The following ASAP1 variants were observed in gnomAD, a reference collection of about 807,000 sequenced individuals.
ASAP1 encodes the protein arf-GAP with SH3 domain, ANK repeat and PH domain-containing protein 1.
In ASAP1, 43 loss-of-function variants were observed where a neutral mutation model predicts 145.2. That is an observed-to-expected ratio of 0.30 (90% CI 0.23 to 0.38). ASAP1 has a LOEUF of 0.38. Among genes scored for constraint, ASAP1 ranks in the 10% least tolerant of loss-of-function variants. The pLI, the probability that ASAP1 is intolerant of heterozygous loss-of-function variation, is 1.00. For missense variants in ASAP1, 1,018 were observed against 1,355.3 expected (o/e 0.75, Z 3.91); for synonymous variants, 546 against 515.5 (o/e 1.06, Z -0.80).
chr8:130,133,315 G>C (rs1368923961), intron 15 of ASAP1, among the ~76,000 whole-genome samples: 4 of 152,176 alleles, frequency 2.6e-5, no homozygotes, highest in Non-Finnish European at 5.9e-5. Flanking sequence ...TTTAAAAAAG[G>C]GACTAGGGAC....
At chr8:130,311,809 T>C (rs564018205) in intron 3 of ASAP1, among the ~76,000 whole-genome samples, 1 of 147,314 alleles carries the variant, frequency 6.8e-6, no homozygotes, top group Non-Finnish European at 1.5e-5. Context: ...CTTATAATTA[T>C]AGAAAGCAAA....
At chr8:130,179,604 AATT>A (rs1214961563) in intron 8 of ASAP1, among the ~76,000 whole-genome samples, 1 of 152,172 alleles carries the variant, frequency 6.6e-6, no homozygotes, top group Non-Finnish European at 1.5e-5. Flanking sequence ...AACATTCTAG[AATT>A]ATTATTTCCC....
chr8:130,420,769 C>T (rs1829688314), intron 1 of ASAP1, among the ~76,000 whole-genome samples: 1 of 151,892 alleles, frequency 6.6e-6, no homozygotes. Context: ...TGGTGCACAC[C>T]TGTAATCCCA....
chr8:130,189,839 G>A (rs1196080128), intron 5 of ASAP1, among the ~76,000 whole-genome samples: 1 of 152,082 alleles, frequency 6.6e-6, no homozygotes, highest in East Asian at 1.9e-4. Flanking sequence ...TTTTATAAAA[G>A]CCATTTTAGC....
chr8:130,064,071 A>G (rs2097425011), intron 27 of ASAP1, among the ~76,000 whole-genome samples: 2 of 152,182 alleles, frequency 1.3e-5, no homozygotes, highest in South Asian at 4.1e-4. Flanking sequence ...GACACCAGCC[A>G]TGCTGATATC....
intron 15 of ASAP1, among the ~76,000 whole-genome samples, chr8:130,131,551 C>CTCAGGAG (rs1239937243): frequency 1.5e-3 from 203 of 137,134 alleles, no homozygotes; most frequent in African/African-American, 5.5e-3. Flanking sequence ...ATGGCTTGAG[C>CTCAGGAG]TCAGGAGTTT....
At chr8:130,152,012 T>C (rs2097647503) in intron 13 of ASAP1, among the ~76,000 whole-genome samples, 1 of 152,244 alleles carries the variant, frequency 6.6e-6, no homozygotes, top group African/African-American at 2.4e-5. Context: ...TTTATGAAGG[T>C]AAGTGGTACT....
At chr8:130,329,872 T>C (rs1824569303) in intron 3 of ASAP1, among the ~76,000 whole-genome samples, 2 of 152,164 alleles carry the variant, frequency 1.3e-5, no homozygotes, top group Non-Finnish European at 2.9e-5. Context: ...GTTTATCAAT[T>C]AACTGGAGCA....
intron 5 of ASAP1, among the ~76,000 whole-genome samples, chr8:130,207,570 A>C (rs1816307508): frequency 2.0e-5 from 3 of 152,286 alleles, no homozygotes; most frequent in African/African-American, 7.2e-5. Context: ...GGGATTACTA[A>C]ACCCTTTTTA....
At chr8:130,378,950 T>C (rs570749274) in intron 2 of ASAP1, among the ~76,000 whole-genome samples, 1 of 152,258 alleles carries the variant, frequency 6.6e-6, no homozygotes, top group African/African-American at 2.4e-5. Flanking sequence ...TCATAAAAAA[T>C]AGATTTGGTC....
intron 16 of ASAP1, among the ~76,000 whole-genome samples, chr8:130,127,608 T>A (rs2097576974): frequency 6.6e-6 from 1 of 152,050 alleles, no homozygotes; most frequent in Non-Finnish European, 1.5e-5. Context: ...CTGGGAGTGG[T>A]GGACAGTGAT....
chr8:130,425,593 A>G (rs1174717331), intron 1 of ASAP1, among the ~76,000 whole-genome samples: 1 of 152,186 alleles, frequency 6.6e-6, no homozygotes, highest in Non-Finnish European at 1.5e-5. Context: ...CAGACAATGA[A>G]AGATCAGAGT....
In ASAP1 at chr8:130,118,254, G is replaced by C. The variant is rs2097559604; in HGVS notation, c.1795-8C>G. On this transcript the variant is annotated splice_polypyrimidine_tract_variant and splice_region_variant and intron_variant, in intron 19 of 29. Transcript: ENST00000518721. ...GGCTGTCTCCCCAAGCTCCTAAAAA[G>C]GGAAAGAAAAGTATAAGTAAGTCAA... 3.7e-6 allele frequency: 6 copies of C among 1,613,042 alleles called. No individual in the cohort carries two copies. The East Asian group carries it at 8.9e-5, about 24-fold the overall frequency.
At chr8:130,074,977 C>T (rs1299815007) in intron 27 of ASAP1, among the ~76,000 whole-genome samples, 1 of 152,026 alleles carries the variant, frequency 6.6e-6, no homozygotes, top group Non-Finnish European at 1.5e-5. Context: ...CGCCATGCTG[C>T]GAGGGAAGGG....
intron 3 of ASAP1, among the ~76,000 whole-genome samples, chr8:130,276,687 A>ACAC (rs1820903725): frequency 1.1e-5 from 1 of 91,628 alleles, no homozygotes; most frequent in African/African-American, 4.2e-5. Context: ...CAAGACTGCA[A>ACAC]ACACACACAC....
chr8:130,358,087 T>C lies in ASAP1; in HGVS notation c.116A>G (p.Asn39Ser), dbSNP rs779167272. The change falls in exon 3 of 30, where the codon AAC (asparagine) becomes AGC (serine). Residue 39 changes from asparagine (N) to serine (S), a missense_variant. By Grantham distance (46) the Asn-to-Ser change is conservative. Transcript: ENST00000518721. The surrounding 1 kb of genome is among the most constrained non-coding windows in gnomAD (Gnocchi z 4.1). ...GGTGAAGCTGGACGTGGTGGGCGAG[T>C]TGTAGTCCTCGGTGGTCTCGGCGAT... ...EFIAETTEDYNSPTTSSFTTR... is the reference protein window; with the variant it reads ...EFIAETTEDYSSPTTSSFTTR... 15 of 1,608,426 alleles carry C rather than the reference T, an allele frequency of 9.3e-6. No individual in the cohort carries two copies. The highest frequency in any genetic ancestry group is 4.5e-5 in the East Asian group (2 of 44,676).
chr8:130,152,669 CTG>C, intron 13 of ASAP1, 65 bp downstream of exon 13: 1 of 1,095,264 alleles, frequency 9.1e-7, no homozygotes, highest in Non-Finnish European at 1.3e-6. Flanking sequence ...CCAATTTTTA[CTG>C]CTGAGTACAT....
At chr8:130,294,832 G>A (rs1260958664) in intron 3 of ASAP1, among the ~76,000 whole-genome samples, 1 of 152,160 alleles carries the variant, frequency 6.6e-6, no homozygotes, top group African/African-American at 2.4e-5. Context: ...GGTTTAACTT[G>A]GAAGAAAACA....
intron 17 of ASAP1, among the ~76,000 whole-genome samples, chr8:130,124,703 G>A (rs572318323): frequency 1.3e-5 from 2 of 152,272 alleles, no homozygotes; most frequent in African/African-American, 4.8e-5. Context: ...ATGTAATTTT[G>A]GGATGCAAAG....
Sources: allele counts gnomAD v4.1 joint callset (sites outside exome capture counted in the v4.1 genomes callset), GRCh38; gene constraint gnomAD v4.1.1; non-coding constraint Gnocchi (gnomAD v3.1); transcripts MANE v1.5; gene names NCBI Gene and HGNC (gene_info 2026-07-23, HGNC 2026-07-21).